RAB3IP: variants seen among roughly 807,000 people sequenced by gnomAD.
RAB3IP encodes RAB3A interacting protein.
Under a neutral mutation model 59.1 loss-of-function variants are expected in RAB3IP, and 36 were observed. The ratio of observed to expected loss-of-function variants is 0.61; its 90% CI spans 0.47 to 0.80. The LOEUF is 0.80. Among genes scored for constraint, RAB3IP ranks in the 30% least tolerant of loss-of-function variants. The pLI is 0.00. For missense variants in RAB3IP, 511 were observed against 536.0 expected, an observed-to-expected ratio of 0.95 and a Z score of 0.46; for synonymous variants, 207 against 191.2, an observed-to-expected ratio of 1.08 and a Z score of -0.68.
rs754149750 is a variant in RAB3IP, at chr12:69,794,470, A to C, written c.640A>C (p.Lys214Gln). 6 of 1,613,330 alleles carry C rather than the reference A, an allele frequency of 3.7e-6. No homozygotes were observed. The Admixed American group carries it at 1.0e-4, about 27-fold the overall frequency. The change falls in exon 5 of 11, where the codon AAG becomes CAG. Residue 214 changes from lysine (K) to glutamine (Q), a missense_variant. Transcript: ENST00000247833. The part of the protein sequence containing the change: ...AHKMVREANI[K>Q]QATAEKQLKE... ...TAAAATGGTGAGAGAAGCAAATATC[A>C]AGCAGGCAACAGCAGAAAAACAGCT... is the stretch of plus-strand genomic sequence containing the variant.
chr12:69,807,680 C>A (rs1474522581), intron 8 of RAB3IP, among the ~76,000 whole-genome samples: 1 of 124,736 alleles, frequency 8.0e-6, no homozygotes, highest in Non-Finnish European at 1.7e-5. Context: ...ACATCCCAGA[C>A]GATGGGCGGC....
chr12:69,818,032 A>G lies in RAB3IP; in HGVS notation c.*2586A>G, dbSNP rs751052457. 7.0e-6 allele frequency: 1 copy of G among 143,862 alleles called. No homozygotes were observed. Among genetic ancestry groups the G allele is most frequent in the Non-Finnish European group, 1.5e-5 (1 of 65,324 alleles). 8.9% of individuals were successfully genotyped at this position (143,862 alleles called of 1,614,324 possible). A position where few individuals can be genotyped will look rare whatever the true frequency, so the allele number is the denominator to read the frequency against. Reference sequence around the variant, plus strand: ...AATCAAGATGACAATGACATGTTCAAATTCATTCGATTGGTGAAAATGAAG... The same window carrying G: ...AATCAAGATGACAATGACATGTTCAGATTCATTCGATTGGTGAAAATGAAG... On this transcript the variant is annotated 3_prime_UTR_variant, in exon 11 of 11. Coordinates refer to ENST00000247833, the MANE Select transcript of RAB3IP (RefSeq NM_022456.5).
chr12:69,749,815 A>G (rs1397418474), intron 1 of RAB3IP, among the ~76,000 whole-genome samples: 1 of 152,176 alleles, frequency 6.6e-6, no homozygotes, highest in African/African-American at 2.4e-5. Context: ...TTTATCACAT[A>G]TCATTGCCTC....
chr12:69,798,300 T>C (rs1427906704), intron 6 of RAB3IP, among the ~76,000 whole-genome samples: 1,955 of 152,066 alleles, frequency 0.013, 44 homozygotes, highest in African/African-American at 0.044. Context: ...TTTCATGTGT[T>C]TTTTGGCTGC....
chr12:69,770,440 A>G (rs1872922861), intron 3 of RAB3IP, among the ~76,000 whole-genome samples: 1 of 152,152 alleles, frequency 6.6e-6, no homozygotes, highest in Non-Finnish European at 1.5e-5. Context: ...AATAGTTGTT[A>G]TACTGTATTG....
At chr12:69,749,217 G>A (rs1565870156) in intron 1 of RAB3IP, among the ~76,000 whole-genome samples, 1 of 152,342 alleles carries the variant, frequency 6.6e-6, no homozygotes, top group East Asian at 1.9e-4. Context: ...AGATCAGCAA[G>A]CTGCATTAGA....
intron 4 of RAB3IP, among the ~76,000 whole-genome samples, chr12:69,791,157 G>A (rs75026532): frequency 6.6e-6 from 1 of 152,034 alleles, no homozygotes; most frequent in East Asian, 1.9e-4. Context: ...AACGAAATTA[G>A]ACCCTGATCT....
chr12:69,767,590 C>T (rs1463047504), intron 3 of RAB3IP, among the ~76,000 whole-genome samples: 1 of 152,224 alleles, frequency 6.6e-6, no homozygotes, highest in Non-Finnish European at 1.5e-5. Context: ...AAGTTCTCTG[C>T]ATGGGAGTCG....
intron 1 of RAB3IP, among the ~76,000 whole-genome samples, chr12:69,745,654 A>G (rs1425552287): frequency 6.6e-6 from 1 of 152,108 alleles, no homozygotes; most frequent in Admixed American, 6.5e-5. Context: ...TTCTGTTTGG[A>G]TTGTTCACTT....
chr12:69,801,561 A>G, intron 7 of RAB3IP, 48 bp from the exon 8 acceptor site: 1 of 1,134,136 alleles, frequency 8.8e-7, no homozygotes, highest in East Asian at 2.4e-5. Flanking sequence ...TACAATTTTG[A>G]TATTTTTCTG....
At chr12:69,766,991 G>A (rs1443250011) in intron 3 of RAB3IP, among the ~76,000 whole-genome samples, 1 of 152,124 alleles carries the variant, frequency 6.6e-6, no homozygotes, top group East Asian at 1.9e-4. Flanking sequence ...TCACATTTTA[G>A]TTAAGAACTG....
chr12:69,784,894 G>C (rs1409219003), intron 4 of RAB3IP, 79 bp downstream of exon 4: 4 of 800,258 alleles, frequency 5.0e-6, no homozygotes, highest in African/African-American at 3.5e-5. Context: ...AGGGAATCTT[G>C]AAAAATATTT....
chr12:69,785,426 A>G (rs556349354), intron 4 of RAB3IP, among the ~76,000 whole-genome samples: 1 of 152,202 alleles, frequency 6.6e-6, no homozygotes, highest in Non-Finnish European at 1.5e-5. Flanking sequence ...TCATTATTAT[A>G]GGGAGTTGGC....
intron 6 of RAB3IP, 167 bp downstream of exon 6, chr12:69,795,511 TC>T (rs2136231855): frequency 3.2e-6 from 2 of 617,934 alleles, no homozygotes; most frequent in East Asian, 2.7e-5. Context: ...ATTCTTCAGT[TC>T]CATTTTCTAC....
intron 3 of RAB3IP, among the ~76,000 whole-genome samples, chr12:69,759,856 C>T (rs540846029): frequency 3.0e-4 from 45 of 150,976 alleles, no homozygotes; most frequent in East Asian, 1.2e-3. Context: ...ACTTCTCAGA[C>T]GGGGCTGCCG....
At chr12:69,781,465 C>G (rs1414717507) in intron 3 of RAB3IP, among the ~76,000 whole-genome samples, 1 of 152,128 alleles carries the variant, frequency 6.6e-6, no homozygotes, top group Non-Finnish European at 1.5e-5. Context: ...TGGCATGTGT[C>G]TACCATGATA....
rs1870254193 is a variant in RAB3IP, at chr12:69,756,542, G to A, written c.389G>A (p.Gly130Asp). The A allele has an allele frequency of 6.2e-7, 1 of 1,614,136 alleles. No individual in the cohort carries two copies. Among genetic ancestry groups the A allele is most frequent in the Non-Finnish European group, 8.5e-7 (1 of 1,180,006 alleles). The change falls in exon 3 of 11, where the codon GGC becomes GAC. Residue 130 changes from glycine (G) to aspartate (D), a missense_variant. Physicochemically the swap from Gly to Asp is moderately conservative, Grantham distance 94 (BLOSUM62 -1). Coordinates refer to ENST00000247833, the MANE Select transcript of RAB3IP (RefSeq NM_022456.5). ...QGATITEACD[G>D]SDDIFGLSTD... is the part of the protein sequence containing the mutation. ...GCTACTATAACAGAGGCTTGCGATG[G>A]CAGTGATGATATTTTTGGGTTGAGT...
intron 8 of RAB3IP, among the ~76,000 whole-genome samples, chr12:69,811,741 A>G (rs1880491928): frequency 6.6e-6 from 1 of 152,164 alleles, no homozygotes; most frequent in African/African-American, 2.4e-5. Flanking sequence ...ACAGGAATTG[A>G]TTTGTGATTT....
rs1881300323 is a variant in RAB3IP at position 69,817,818 on chromosome 12, A to G, written c.*2372A>G. ...AAGCTAAACTACAAACTGTGAGGCA[A>G]TATCTGCAACATTTATAACTAGTAA... On this transcript the variant is annotated 3_prime_UTR_variant, in exon 11 of 11. Coordinates refer to ENST00000247833, the MANE Select transcript of RAB3IP (RefSeq NM_022456.5). The G allele has an allele frequency of 6.6e-6, 1 of 152,104 alleles. No homozygotes were observed. Among genetic ancestry groups the G allele is most frequent in the African/African-American group, 2.4e-5 (1 of 41,412 alleles). The allele number at this position is 152,104 out of a possible 1,614,324, so 9.4% of individuals were successfully genotyped here.
Sources: allele counts gnomAD v4.1 joint callset (sites outside exome capture counted in the v4.1 genomes callset), GRCh38; gene constraint gnomAD v4.1.1; transcripts MANE v1.5; gene names NCBI Gene and HGNC (gene_info 2026-07-23, HGNC 2026-07-21).